Variants in CSMD1 observed in about 807,000 individuals in gnomAD.
CSMD1 encodes the protein CUB and sushi domain-containing protein 1.
In CSMD1, 213 loss-of-function variants were observed where a neutral mutation model predicts 417.5. The observed-to-expected ratio is 0.51, with a 90% CI of 0.46 to 0.57. The LOEUF (loss-of-function observed/expected upper bound fraction) is 0.57. Among genes scored for constraint, CSMD1 ranks in the 20% least tolerant of loss-of-function variants. The pLI, the probability that CSMD1 is intolerant of heterozygous loss-of-function variation, is 0.00. For synonymous variants in CSMD1, 2,862 were observed against 1,736.8 expected, an observed-to-expected ratio of 1.65 and a Z score of -16.11; for missense variants, 6,923 against 4,529.7, an observed-to-expected ratio of 1.53 and a Z score of -15.17.
chr8:3,811,461 A>G (rs1801072898), intron 5 of CSMD1, among the ~76,000 whole-genome samples: 1 of 152,162 alleles, frequency 6.6e-6, no homozygotes, highest in Non-Finnish European at 1.5e-5. Context: ...TTTATCTAGA[A>G]TAGACATTTG....
intron 7 of CSMD1, among the ~76,000 whole-genome samples, chr8:3,662,797 A>G (rs866895831): frequency 4.6e-5 from 7 of 152,036 alleles, no homozygotes; most frequent in Middle Eastern, 3.4e-3. Context: ...ATGAGAACAC[A>G]TGGACACAGG....
intron 3 of CSMD1, among the ~76,000 whole-genome samples, chr8:4,252,459 A>T (rs1051827895): frequency 6.6e-6 from 1 of 152,232 alleles, no homozygotes; most frequent in African/African-American, 2.4e-5. Flanking sequence ...TGAGAACTTG[A>T]GTTACACTCT....
In CSMD1 at chr8:4,014,458, T is replaced by G. The variant is rs114167457; in HGVS notation, c.611-16348A>C. Among the ~76,000 whole-genome samples, 1,100 of 152,310 alleles carry G rather than the reference T, an allele frequency of 7.2e-3. 17 individuals are homozygous for G. The highest frequency in any genetic ancestry group is 0.024 in the African/African-American group (1,014 of 41,544). ...TGTTCTCTGTTCTGTGACTTCAGCC[T>G]CTAAGAAGCTTTTTAGACATTGAGT... On this transcript the variant is annotated intron_variant, in intron 4 of 69. Transcript: ENST00000635120.
chr8:3,725,063 A>C (rs1167707254), intron 6 of CSMD1, among the ~76,000 whole-genome samples: 1 of 152,208 alleles, frequency 6.6e-6, no homozygotes. Context: ...TAGAGGAGTG[A>C]GGCAGGAGGT....
chr8:3,560,358 T>A (rs1200223272), intron 10 of CSMD1, among the ~76,000 whole-genome samples: 1 of 152,140 alleles, frequency 6.6e-6, no homozygotes, highest in Non-Finnish European at 1.5e-5. Flanking sequence ...TCACCACAGT[T>A]ATATGGCATA....
At chr8:4,153,751 G>A (rs1437221882) in intron 3 of CSMD1, among the ~76,000 whole-genome samples, 4 of 152,324 alleles carry the variant, frequency 2.6e-5, no homozygotes, top group South Asian at 2.1e-4. Flanking sequence ...TCAGTGTGGT[G>A]ACCCTGTGCT....
intron 5 of CSMD1, among the ~76,000 whole-genome samples, chr8:3,817,233 G>C (rs1053749291): frequency 8.5e-6 from 1 of 118,044 alleles, no homozygotes; most frequent in Non-Finnish European, 1.7e-5. Context: ...CAAATCCAAA[G>C]TGGTCATATC....
chr8:4,714,150 G>GA (rs200158498), intron 1 of CSMD1, among the ~76,000 whole-genome samples: 2,332 of 149,176 alleles, frequency 0.016, 33 homozygotes, highest in Middle Eastern at 0.041. Context: ...GTCTCAAAAA[G>GA]AAAAAAAAAA....
At chr8:4,848,017 C>A (rs1343519260) in intron 1 of CSMD1, among the ~76,000 whole-genome samples, 1 of 152,112 alleles carries the variant, frequency 6.6e-6, no homozygotes, top group Admixed American at 6.5e-5. Flanking sequence ...AACTCGTCTT[C>A]TTTTGTCTCT....
chr8:4,978,517 A>C (rs925858872), intron 1 of CSMD1, among the ~76,000 whole-genome samples: 1 of 152,206 alleles, frequency 6.6e-6, no homozygotes, highest in African/African-American at 2.4e-5. Context: ...GAAAAAGCTA[A>C]CAGATTTACT....
chr8:4,197,587 A>T (rs1417838750), intron 3 of CSMD1, among the ~76,000 whole-genome samples: 2 of 152,196 alleles, frequency 1.3e-5, no homozygotes, highest in Non-Finnish European at 2.9e-5. Flanking sequence ...GCTAATAAAA[A>T]TCATCTTCCA....
At chr8:3,953,997 G>T (rs1417389270) in intron 5 of CSMD1, among the ~76,000 whole-genome samples, 1 of 152,146 alleles carries the variant, frequency 6.6e-6, no homozygotes, top group East Asian at 1.9e-4. Flanking sequence ...TGGTGGTGAT[G>T]CCTCCAGGTC....
intron 8 of CSMD1, among the ~76,000 whole-genome samples, chr8:3,593,067 G>T (rs914809024): frequency 2.0e-5 from 3 of 152,192 alleles, no homozygotes; most frequent in Non-Finnish European, 2.9e-5. Context: ...GTCCTGCCCA[G>T]TGAGAAGGAA....
At chr8:4,798,017 T>A (rs1461034954) in intron 1 of CSMD1, among the ~76,000 whole-genome samples, 2 of 152,234 alleles carry the variant, frequency 1.3e-5, no homozygotes, top group Non-Finnish European at 2.9e-5. Context: ...GAAGCATTTT[T>A]ATTTTTTTAT....
chr8:4,375,794 C>T (rs1455423892), intron 3 of CSMD1, among the ~76,000 whole-genome samples: 5 of 152,146 alleles, frequency 3.3e-5, no homozygotes, highest in African/African-American at 4.8e-5. Flanking sequence ...TTCAAACCAT[C>T]CTCATACATT....
At chr8:3,794,955 T>C (rs1054828478) in intron 5 of CSMD1, among the ~76,000 whole-genome samples, 5 of 150,952 alleles carry the variant, frequency 3.3e-5, no homozygotes, top group Non-Finnish European at 7.4e-5. Flanking sequence ...TATAGATATA[T>C]ATCTATCATG....
chr8:4,135,000 C>G (rs1326243360), intron 3 of CSMD1, among the ~76,000 whole-genome samples: 1 of 152,118 alleles, frequency 6.6e-6, no homozygotes, highest in East Asian at 1.9e-4. Flanking sequence ...TCTCTTCTGC[C>G]TCTAGAATTT....
chr8:3,601,214 T>A (rs1026586043), intron 8 of CSMD1, among the ~76,000 whole-genome samples: 4 of 152,180 alleles, frequency 2.6e-5, no homozygotes, highest in African/African-American at 9.7e-5. Flanking sequence ...CTCATTGGCC[T>A]CACATCTTTA....
chr8:4,235,218 T>C (rs1209640968), intron 3 of CSMD1, among the ~76,000 whole-genome samples: 1 of 152,080 alleles, frequency 6.6e-6, no homozygotes, highest in Admixed American at 6.5e-5. Flanking sequence ...GGACCAAGGG[T>C]GCAAAAAAGA....
Sources: allele counts gnomAD v4.1 joint callset (sites outside exome capture counted in the v4.1 genomes callset), GRCh38; gene constraint gnomAD v4.1.1; transcripts MANE v1.5; gene names NCBI Gene and HGNC (gene_info 2026-07-23, HGNC 2026-07-21).